Variants in CYTH3 observed in about 807,000 individuals in gnomAD.
CYTH3 encodes cytohesin 3.
CYTH3 carries 23 observed loss-of-function variants against 55.1 expected under a neutral mutation model. The ratio of observed to expected loss-of-function variants is 0.42; its 90% confidence interval spans 0.30 to 0.59. CYTH3 has a LOEUF of 0.59. CYTH3 is among the 20% of genes least tolerant of loss of function. The pLI is 0.20. For missense variants in CYTH3, 413 were observed against 524.8 expected, an observed-to-expected ratio of 0.79 and a Z score of 2.08; for synonymous variants, 249 against 194.9, an observed-to-expected ratio of 1.28 and a Z score of -2.31.
At chr7:6,252,806 G>C (rs534350850) in intron 1 of CYTH3, among the ~76,000 whole-genome samples, 1 of 152,270 alleles carries the variant, frequency 6.6e-6, no homozygotes, top group East Asian at 1.9e-4. Flanking sequence ...AATATAGTTT[G>C]TCTTACTAAA....
intron 1 of CYTH3, among the ~76,000 whole-genome samples, chr7:6,222,502 T>G (rs757510668): frequency 2.0e-5 from 3 of 152,092 alleles, no homozygotes; most frequent in Non-Finnish European, 4.4e-5. Flanking sequence ...ATCCCAGCAC[T>G]CGGGGAGGCC....
chr7:6,194,361 G>A (rs1345100212), intron 1 of CYTH3, among the ~76,000 whole-genome samples: 1 of 152,184 alleles, frequency 6.6e-6, no homozygotes, highest in Non-Finnish European at 1.5e-5. Context: ...GCTGAGGTGG[G>A]AGGATCGCTT....
At chr7:6,256,170 T>G (rs1780098805) in intron 1 of CYTH3, among the ~76,000 whole-genome samples, 1 of 152,210 alleles carries the variant, frequency 6.6e-6, no homozygotes, top group Admixed American at 6.5e-5. Context: ...CAGTCACTGA[T>G]CCAATCAACT....
intron 1 of CYTH3, among the ~76,000 whole-genome samples, chr7:6,241,163 T>C (rs1274324370): frequency 1.3e-5 from 2 of 151,458 alleles, no homozygotes; most frequent in Non-Finnish European, 2.9e-5. Flanking sequence ...AACACACACA[T>C]GATCTTCTGC....
chr7:6,254,302 G>A (rs569138467), intron 1 of CYTH3, among the ~76,000 whole-genome samples: 38 of 152,150 alleles, frequency 2.5e-4, no homozygotes, highest in Non-Finnish European at 4.9e-4. Flanking sequence ...AAACATTTTG[G>A]TAACAACTGG....
At chr7:6,177,209 C>T (rs1157153726) in intron 5 of CYTH3, among the ~76,000 whole-genome samples, 5 of 152,146 alleles carry the variant, frequency 3.3e-5, no homozygotes, top group South Asian at 2.1e-4. Context: ...TTTCCACTTT[C>T]GATCAAATAT....
At chr7:6,197,619 A>G (rs6957628) in intron 1 of CYTH3, among the ~76,000 whole-genome samples, 6,181 of 152,144 alleles carry the variant, frequency 0.041, 237 homozygotes, top group African/African-American at 0.098. Flanking sequence ...AGAGGGGGAG[A>G]TTGCAGTGAG....
chr7:6,272,482 C>T lies in CYTH3; in HGVS notation c.26G>A (p.Gly9Asp), dbSNP rs1473136310. 3.1e-5 allele frequency: 42 copies of T among 1,371,414 alleles called. No individual in the cohort carries two copies. The highest frequency in any genetic ancestry group is 3.8e-5 in the Non-Finnish European group (40 of 1,053,036). The allele number at this position is 1,371,414 out of a possible 1,614,324, so 85.0% of individuals were successfully genotyped here. The change falls in exon 1 of 13, where the codon GGT (glycine) becomes GAT (aspartate). Residue 9 changes from glycine to aspartate, a missense_variant. By Grantham distance (94) the Gly-to-Asp change is moderately conservative. This residue lies in a region of CYTH3 where 152 missense variants were observed against 148.1 expected (regional missense o/e 1.03). Transcript: ENST00000350796. The part of the protein sequence containing the change: MDEDGGGE[G>D]GGVPEDLSLE... Reference sequence around the variant, plus strand: ...ACACCTCCGACACTCACCGCCACCACCCTCGCCGCCGCCGTCTTCATCCAT... The same window carrying T: ...ACACCTCCGACACTCACCGCCACCATCCTCGCCGCCGCCGTCTTCATCCAT...
intron 1 of CYTH3, among the ~76,000 whole-genome samples, chr7:6,208,347 C>T (rs1043292948): frequency 5.3e-5 from 8 of 152,162 alleles, no homozygotes; most frequent in African/African-American, 1.9e-4. Flanking sequence ...AACAAACATG[C>T]CAACCCACAA....
chr7:6,165,837 T>G (rs1562872727), intron 9 of CYTH3, 27 bp from the exon 10 acceptor site: 2 of 1,612,792 alleles, frequency 1.2e-6, no homozygotes, highest in African/African-American at 1.3e-5. Context: ...CCCGTGAGTC[T>G]GCGCTCCGTG....
chr7:6,172,707 AC>A (rs1475388102), intron 6 of CYTH3: 1 of 1,123,606 alleles, frequency 8.9e-7, no homozygotes, highest in Non-Finnish European at 1.1e-6. Flanking sequence ...CAAGGGCCGC[AC>A]CAGACACCCC....
At chr7:6,264,067 T>G (rs1347490093) in intron 1 of CYTH3, among the ~76,000 whole-genome samples, 5 of 151,898 alleles carry the variant, frequency 3.3e-5, no homozygotes, top group African/African-American at 1.2e-4. Flanking sequence ...GCCAACATGG[T>G]GAAACCCCAT....
intron 1 of CYTH3, among the ~76,000 whole-genome samples, chr7:6,256,437 G>C (rs559488272): frequency 6.6e-5 from 10 of 152,344 alleles, no homozygotes; most frequent in Admixed American, 1.3e-4. Context: ...ACAGAAATGG[G>C]AGATAAATGT....
At chr7:6,234,711 C>T (rs1027496642) in intron 1 of CYTH3, among the ~76,000 whole-genome samples, 4 of 152,102 alleles carry the variant, frequency 2.6e-5, no homozygotes, top group African/African-American at 9.7e-5. Context: ...GCTCTAGGGC[C>T]CTCCAGCTCT....
intron 4 of CYTH3, 114 bp downstream of exon 4, chr7:6,186,936 T>C: frequency 9.4e-7 from 1 of 1,062,712 alleles, no homozygotes; most frequent in Non-Finnish European, 1.4e-6. Flanking sequence ...CAACTCCCAG[T>C]CTTTTATGAG....
At chr7:6,259,801 ATATATAT>A (rs1780285111) in intron 1 of CYTH3, among the ~76,000 whole-genome samples, 3 of 24,102 alleles carry the variant, frequency 1.2e-4, no homozygotes, top group Non-Finnish European at 1.7e-4. Context: ...ATATATATAT[ATATATAT>A]ATATAATATA....
intron 1 of CYTH3, among the ~76,000 whole-genome samples, chr7:6,229,425 G>A (rs950740412): frequency 1.3e-5 from 2 of 152,080 alleles, no homozygotes; most frequent in Non-Finnish European, 2.9e-5. Context: ...AGCAACAGTG[G>A]TCCACCGCCC....
At chr7:6,211,134 C>T (rs924094421) in intron 1 of CYTH3, among the ~76,000 whole-genome samples, 1 of 152,160 alleles carries the variant, frequency 6.6e-6, no homozygotes, top group Admixed American at 6.5e-5. Context: ...GATCCGACCC[C>T]ATCTGCCACT....
At chr7:6,189,141 C>G (rs538775861) in intron 2 of CYTH3, among the ~76,000 whole-genome samples, 1 of 152,274 alleles carries the variant, frequency 6.6e-6, no homozygotes, top group African/African-American at 2.4e-5. Context: ...CGGAAGGAGC[C>G]AGGGCCGGCC....
Sources: allele counts gnomAD v4.1 joint callset (sites outside exome capture counted in the v4.1 genomes callset), GRCh38; gene constraint gnomAD v4.1.1; regional missense constraint gnomAD v4.1.1; transcripts MANE v1.5; gene names NCBI Gene and HGNC (gene_info 2026-07-23, HGNC 2026-07-21).